CTNND2: variants seen among roughly 807,000 people sequenced by gnomAD.
CTNND2 encodes the protein catenin delta 2.
A neutral mutation model predicts 144.4 loss-of-function variants in CTNND2; 22 were observed. That is an observed-to-expected ratio of 0.15 (90% CI 0.11 to 0.22). The LOEUF (loss-of-function observed/expected upper bound fraction) is 0.22. Ranked by LOEUF, CTNND2 falls within the 10% of genes least tolerant of loss-of-function variation. The pLI is 1.00. For missense variants in CTNND2, 1,353 were observed against 1,618.8 expected (o/e 0.84, Z 2.82); for synonymous variants, 751 against 695.6 (o/e 1.08, Z -1.25).
chr5:11,259,888 G>A (rs1279503978), intron 9 of CTNND2, among the ~76,000 whole-genome samples: 3 of 152,218 alleles, frequency 2.0e-5, no homozygotes, highest in Admixed American at 2.0e-4. Context: ...TGGACCCAGA[G>A]AGCTGTTCAT....
chr5:11,722,029 CCT>C (rs1305372383), intron 2 of CTNND2, among the ~76,000 whole-genome samples: 2 of 152,156 alleles, frequency 1.3e-5, no homozygotes, highest in East Asian at 1.9e-4. Flanking sequence ...TCACAATTCC[CCT>C]GTTTACTTCG....
intron 13 of CTNND2, among the ~76,000 whole-genome samples, chr5:11,113,275 A>G (rs1157602350): frequency 6.6e-6 from 1 of 152,228 alleles, no homozygotes; most frequent in African/African-American, 2.4e-5. Context: ...ACTAGTTGTA[A>G]TAACTTCTGA....
At chr5:11,301,956 G>A (rs1162830092) in intron 9 of CTNND2, among the ~76,000 whole-genome samples, 1 of 152,120 alleles carries the variant, frequency 6.6e-6, no homozygotes, top group Non-Finnish European at 1.5e-5. Context: ...GTGTCCTTGA[G>A]GAAGAGGGAG....
At chr5:11,063,076 C>T (rs946121549) in intron 16 of CTNND2, among the ~76,000 whole-genome samples, 10 of 152,046 alleles carry the variant, frequency 6.6e-5, no homozygotes, top group Admixed American at 1.3e-4. Flanking sequence ...AACTTGATGA[C>T]GGATCCCAAT....
intron 9 of CTNND2, among the ~76,000 whole-genome samples, chr5:11,240,207 CCCCAACACACACA>C (rs1256984423): frequency 6.2e-5 from 7 of 112,632 alleles, no homozygotes; most frequent in South Asian, 3.3e-4. Flanking sequence ...ACACACACAC[CCCCAACACACACA>C]CCCAACACAC....
intron 2 of CTNND2, among the ~76,000 whole-genome samples, chr5:11,650,454 G>A (rs1439789974): frequency 6.6e-6 from 1 of 152,178 alleles, no homozygotes; most frequent in East Asian, 1.9e-4. Flanking sequence ...GTGGGGCATT[G>A]CTATAAAGAA....
intron 3 of CTNND2, among the ~76,000 whole-genome samples, chr5:11,482,160 G>T (rs1004111549): frequency 3.3e-5 from 5 of 152,044 alleles, no homozygotes; most frequent in Admixed American, 3.3e-4. Context: ...CCTCAATACC[G>T]CAGGAATTGG....
At chr5:11,516,976 A>G (rs1487731309) in intron 3 of CTNND2, among the ~76,000 whole-genome samples, 1 of 152,220 alleles carries the variant, frequency 6.6e-6, no homozygotes, top group African/African-American at 2.4e-5. Flanking sequence ...TTACTACTAT[A>G]TAAATTGAAT....
chr5:11,621,241 A>G (rs1054980973), intron 2 of CTNND2, among the ~76,000 whole-genome samples: 1 of 152,236 alleles, frequency 6.6e-6, no homozygotes, highest in Admixed American at 6.5e-5. Flanking sequence ...TGTAATATGG[A>G]TACATTGGTG....
At chr5:11,805,848 A>G (rs1791964381) in intron 1 of CTNND2, among the ~76,000 whole-genome samples, 1 of 152,126 alleles carries the variant, frequency 6.6e-6, no homozygotes. Context: ...TCCAATTAGT[A>G]GAGTATAGAA....
At chr5:11,655,309 G>C (rs1782855178) in intron 2 of CTNND2, among the ~76,000 whole-genome samples, 1 of 151,708 alleles carries the variant, frequency 6.6e-6, no homozygotes, top group Admixed American at 6.6e-5. Context: ...GAAACATTGG[G>C]GATTAAGGTT....
At chr5:11,892,971 T>C (rs555930695) in intron 1 of CTNND2, among the ~76,000 whole-genome samples, 1 of 152,314 alleles carries the variant, frequency 6.6e-6, no homozygotes, top group African/African-American at 2.4e-5. Context: ...TTTGCTTATA[T>C]TTCCTCCCAC....
chr5:11,666,404 G>T (rs1056310842), intron 2 of CTNND2, among the ~76,000 whole-genome samples: 5 of 152,138 alleles, frequency 3.3e-5, no homozygotes, highest in African/African-American at 9.7e-5. Context: ...ATAAATGAAA[G>T]AATTATTTTC....
At chr5:11,793,061 T>C (rs1053883024) in intron 1 of CTNND2, among the ~76,000 whole-genome samples, 1 of 152,240 alleles carries the variant, frequency 6.6e-6, no homozygotes, top group African/African-American at 2.4e-5. Flanking sequence ...TCATAATTTT[T>C]TCCATACAAT....
chr5:11,004,474 T>G (rs1290823499), intron 18 of CTNND2, among the ~76,000 whole-genome samples: 1 of 152,188 alleles, frequency 6.6e-6, no homozygotes, highest in Admixed American at 6.5e-5. Context: ...TTCAAAATGC[T>G]TCTGACAGGC....
intron 2 of CTNND2, among the ~76,000 whole-genome samples, chr5:11,581,892 A>G (rs1008909655): frequency 6.6e-6 from 1 of 152,196 alleles, no homozygotes; most frequent in Non-Finnish European, 1.5e-5. Context: ...CTTATGTTTA[A>G]ATGTACTGTT....
chr5:11,583,777 T>A (rs1778618328), intron 2 of CTNND2, among the ~76,000 whole-genome samples: 1 of 152,162 alleles, frequency 6.6e-6, no homozygotes, highest in South Asian at 2.1e-4. Context: ...AGAGATAAAA[T>A]AAGTTCCTAA....
chr5:11,601,522 T>C (rs185958183), intron 2 of CTNND2, among the ~76,000 whole-genome samples: 7 of 152,248 alleles, frequency 4.6e-5, no homozygotes, highest in African/African-American at 1.7e-4. Context: ...CCTTAATCAT[T>C]TTAAATTTAT....
At chr5:11,712,680 T>C (rs1786096607) in intron 2 of CTNND2, among the ~76,000 whole-genome samples, 1 of 152,316 alleles carries the variant, frequency 6.6e-6, no homozygotes, top group Non-Finnish European at 1.5e-5. Context: ...TTTTCTAAAT[T>C]CGTGGTCACA....
Sources: allele counts gnomAD v4.1 joint callset (sites outside exome capture counted in the v4.1 genomes callset), GRCh38; gene constraint gnomAD v4.1.1; transcripts MANE v1.5; gene names NCBI Gene and HGNC (gene_info 2026-07-23, HGNC 2026-07-21).